Variants in SPOCK3 observed in about 807,000 individuals in gnomAD.
The protein encoded by SPOCK3 is SPARC (osteonectin), cwcv and kazal like domains proteoglycan 3.
Under a neutral mutation model 56.6 loss-of-function variants are expected in SPOCK3, and 30 were observed. That is an observed-to-expected ratio of 0.53 (90% CI 0.40 to 0.72). The LOEUF (loss-of-function observed/expected upper bound fraction) is 0.72, where lower values mean the gene tolerates loss of function less well. SPOCK3 is among the 30% of genes least tolerant of loss of function. The pLI, the probability that SPOCK3 is intolerant of heterozygous loss-of-function variation, is 0.00. For missense variants in SPOCK3, 527 were observed against 530.0 expected (o/e 0.99, Z 0.06); for synonymous variants, 196 against 183.3 (o/e 1.07, Z -0.56).
Position 167,177,702 on chromosome 4 carries a change from G to T in SPOCK3, c.189+56283C>A, listed in dbSNP as rs149220891. On this transcript the variant is annotated intron_variant, in intron 2 of 10. Coordinates refer to ENST00000357545, the MANE Select transcript of SPOCK3 (RefSeq NM_001040159.2). ...AAAGCAGCAATCACTCATATCAGCA[G>T]ACATTTTGTGGTTTTTACACTGACC... Among the ~76,000 whole-genome samples the T allele has an allele frequency of 1.8e-4, 28 of 152,242 alleles. No individual in the cohort carries two copies. In the East Asian group the frequency reaches 5.4e-3, roughly 29 times the overall value.
rs371230264 is a variant in SPOCK3 at position 166,737,576 on chromosome 4, A to G, written c.1023T>C (p.Asp341=). 130 of 1,612,800 alleles carry G rather than the reference A, an allele frequency of 8.1e-5. No homozygotes were observed. Among genetic ancestry groups the G allele is most frequent in the Non-Finnish European group, 1.1e-4 (124 of 1,179,382 alleles). ...GACATTGTGTTGGCTTGTAGTAACCATCTTCATCACACAGGGGGATATACT... is the reference window on the plus strand; with the variant it reads ...GACATTGTGTTGGCTTGTAGTAACCGTCTTCATCACACAGGGGGATATACT... ...LGQYIPLCDE[D]GYYKPTQCHG... is the part of the protein sequence containing the mutation. Residue 341 remains aspartate, a synonymous_variant, in exon 10 of 11, where the codon GAT becomes GAC. Transcript: ENST00000357545.
At chr4:166,843,571 A>T (rs1171988983) in intron 6 of SPOCK3, among the ~76,000 whole-genome samples, 1 of 152,186 alleles carries the variant, frequency 6.6e-6, no homozygotes, top group Non-Finnish European at 1.5e-5. Context: ...AGTTTCAAGG[A>T]AATAAATTCT....
chr4:167,122,144 T>C, intron 2 of SPOCK3, among the ~76,000 whole-genome samples: 1 of 151,850 alleles, frequency 6.6e-6, no homozygotes, highest in Non-Finnish European at 1.5e-5. Flanking sequence ...TGTCTTTTTC[T>C]TTTCTCATTC....
chr4:166,844,097 G>T (rs188739345), intron 6 of SPOCK3, among the ~76,000 whole-genome samples: 1 of 152,296 alleles, frequency 6.6e-6, no homozygotes, highest in East Asian at 1.9e-4. Context: ...GACTGAAAGT[G>T]GTTCTAAGCC....
intron 6 of SPOCK3, among the ~76,000 whole-genome samples, chr4:166,842,510 CA>C: frequency 6.6e-6 from 1 of 152,140 alleles, no homozygotes; most frequent in Admixed American, 6.5e-5. Context: ...GGTGCATTTA[CA>C]AACCTTGAGC....
At chr4:166,888,256 AT>A (rs1187302889) in intron 6 of SPOCK3, among the ~76,000 whole-genome samples, 1 of 152,068 alleles carries the variant, frequency 6.6e-6, no homozygotes, top group Non-Finnish European at 1.5e-5. Context: ...CATTCTTCAC[AT>A]TTTTTAGGAA....
At chr4:167,181,102 C>T (rs1731414805) in intron 2 of SPOCK3, among the ~76,000 whole-genome samples, 2 of 152,202 alleles carry the variant, frequency 1.3e-5, no homozygotes, top group African/African-American at 4.8e-5. Flanking sequence ...CCTCTGTTCC[C>T]ATTTTTTCCT....
intron 6 of SPOCK3, among the ~76,000 whole-genome samples, chr4:166,792,507 C>T (rs1415581726): frequency 6.6e-6 from 1 of 152,068 alleles, no homozygotes; most frequent in Admixed American, 6.6e-5. Flanking sequence ...TGGAATTCTA[C>T]TTGTGCTCTT....
At chr4:166,947,424 T>C (rs545338246) in intron 4 of SPOCK3, among the ~76,000 whole-genome samples, 1 of 152,304 alleles carries the variant, frequency 6.6e-6, no homozygotes, top group South Asian at 2.1e-4. Flanking sequence ...TATAACGCTG[T>C]GCAGAACTTT....
At chr4:167,176,044 C>T (rs1402608446) in intron 2 of SPOCK3, among the ~76,000 whole-genome samples, 2 of 152,026 alleles carry the variant, frequency 1.3e-5, no homozygotes, top group Admixed American at 1.3e-4. Context: ...CTATAGAATG[C>T]TATCCTTGCT....
chr4:166,813,595 T>C (rs1744069823), intron 6 of SPOCK3, among the ~76,000 whole-genome samples: 1 of 151,950 alleles, frequency 6.6e-6, no homozygotes, highest in South Asian at 2.1e-4. Context: ...TAACATAACA[T>C]ATGCTGCATA....
Position 166,754,491 on chromosome 4 carries a change from A to C in SPOCK3, c.931+17T>G, listed in dbSNP as rs1451020193. ...TGCAGGTCAACTATTTGCGTCTGTA[A>C]GGGTCTCATCTTTTACCTTGCTGTC... On this transcript the variant is annotated intron_variant, in intron 8 of 10. Transcript: ENST00000357545. 1 of 1,606,552 alleles carries C rather than the reference A, an allele frequency of 6.2e-7. No individual in the cohort carries two copies. The highest frequency in any genetic ancestry group is 1.3e-5 in the African/African-American group (1 of 74,800).
At chr4:166,862,645 TTTG>T (rs1387859027) in intron 6 of SPOCK3, among the ~76,000 whole-genome samples, 1 of 152,118 alleles carries the variant, frequency 6.6e-6, no homozygotes, top group East Asian at 1.9e-4. Flanking sequence ...AATAAAATGC[TTTG>T]TTAATACTAC....
intron 6 of SPOCK3, among the ~76,000 whole-genome samples, chr4:166,810,411 C>A (rs1328453924): frequency 6.6e-6 from 1 of 151,958 alleles, no homozygotes. Flanking sequence ...TGTACTTTCT[C>A]AAAAACAATA....
chr4:167,159,688 C>T (rs986529383), intron 2 of SPOCK3, among the ~76,000 whole-genome samples: 7 of 152,220 alleles, frequency 4.6e-5, no homozygotes, highest in South Asian at 2.1e-4. Context: ...AAAGCTTATC[C>T]ACCATGATCA....
intron 6 of SPOCK3, among the ~76,000 whole-genome samples, chr4:166,873,112 C>G (rs1054155465): frequency 6.6e-6 from 1 of 151,882 alleles, no homozygotes; most frequent in African/African-American, 2.4e-5. Flanking sequence ...CCTCCCAACA[C>G]CACCAGACTG....
intron 2 of SPOCK3, among the ~76,000 whole-genome samples, chr4:167,157,157 A>T (rs1764882960): frequency 6.6e-6 from 1 of 152,088 alleles, no homozygotes; most frequent in Non-Finnish European, 1.5e-5. Flanking sequence ...ATGAATTAAA[A>T]AAATAGTAGA....
rs139019003 is a variant in SPOCK3, at chr4:166,850,359, G to A, written c.589+38771C>T. On this transcript the variant is annotated intron_variant, in intron 6 of 10. Transcript: ENST00000357545. ...ATAAAAAAATTTGAATGGAATAAAA[G>A]ATGTCTAGAGTTAAAGTGCTATGCA... 3.8e-3 allele frequency among the ~76,000 whole-genome samples: 581 copies of A among 152,306 alleles called. 9 individuals carry two copies. Among genetic ancestry groups the A allele is most frequent in the Admixed American group, 0.023 (354 of 15,296 alleles).
chr4:167,184,943 A>G (rs1189378174), intron 2 of SPOCK3, among the ~76,000 whole-genome samples: 1 of 152,166 alleles, frequency 6.6e-6, no homozygotes, highest in Non-Finnish European at 1.5e-5. Context: ...CTGATATTCA[A>G]TTGTAAGTTG....
Sources: allele counts gnomAD v4.1 joint callset (sites outside exome capture counted in the v4.1 genomes callset), GRCh38; gene constraint gnomAD v4.1.1; transcripts MANE v1.5; gene names NCBI Gene and HGNC (gene_info 2026-07-23, HGNC 2026-07-21).